The following SORBS2 variants were observed in gnomAD, a reference collection of about 807,000 sequenced individuals.
SORBS2 encodes sorbin and SH3 domain-containing protein 2.
SORBS2 carries 46 observed loss-of-function variants against 97.7 expected under a neutral mutation model. The ratio of observed to expected loss-of-function variants is 0.47; its 90% CI spans 0.37 to 0.60. SORBS2 has a LOEUF of 0.60. Among genes scored for constraint, SORBS2 ranks in the 20% least tolerant of loss-of-function variants. The pLI, the probability that SORBS2 is intolerant of heterozygous loss-of-function variation, is 0.00. For synonymous variants in SORBS2, 476 were observed against 473.4 expected, an observed-to-expected ratio of 1.01 and a Z score of -0.07; for missense variants, 1,316 against 1,282.3, an observed-to-expected ratio of 1.03 and a Z score of -0.40.
chr4:185,919,941 T>C (rs974849333), intron 1 of SORBS2, among the ~76,000 whole-genome samples: 6 of 152,260 alleles, frequency 3.9e-5, no homozygotes, highest in African/African-American at 1.2e-4. Context: ...TTCTGAACTA[T>C]CATACAAAAC....
chr4:185,654,689 T>C (rs1286997254), intron 1 of SORBS2, among the ~76,000 whole-genome samples: 2 of 152,224 alleles, frequency 1.3e-5, no homozygotes, highest in African/African-American at 4.8e-5. Context: ...AATGCCATCA[T>C]GGAGATCGCT....
intron 1 of SORBS2, among the ~76,000 whole-genome samples, chr4:185,860,155 G>A (rs2099222887): frequency 6.6e-6 from 1 of 152,166 alleles, no homozygotes; most frequent in South Asian, 2.1e-4. Flanking sequence ...TGGAGATGGA[G>A]AAGAGCAAGA....
intron 14 of SORBS2, 174 bp from the exon 27 acceptor site, chr4:185,587,862 C>T: frequency 5.4e-6 from 3 of 557,002 alleles, no homozygotes; most frequent in Non-Finnish European, 9.6e-6. Flanking sequence ...GCAGTGTTAG[C>T]TGGTTGCCTG....
At chr4:185,635,899 C>T (rs1297591827) in intron 4 of SORBS2, among the ~76,000 whole-genome samples, 1 of 152,074 alleles carries the variant, frequency 6.6e-6, no homozygotes, top group Non-Finnish European at 1.5e-5. Flanking sequence ...CACTCTGTCA[C>T]CCAGGCTGGA....
chr4:185,896,321 C>A (rs187458809), intron 1 of SORBS2, among the ~76,000 whole-genome samples: 4 of 152,190 alleles, frequency 2.6e-5, no homozygotes, highest in Admixed American at 6.5e-5. Context: ...AGATGGCTGA[C>A]GCCTGTAATG....
intron 1 of SORBS2, among the ~76,000 whole-genome samples, chr4:185,785,015 C>T (rs995380487): frequency 2.6e-5 from 4 of 151,756 alleles, no homozygotes; most frequent in African/African-American, 7.3e-5. Context: ...CAGTGATCAA[C>T]AGGAAACACA....
At chr4:185,880,670 T>A (rs933421322) in intron 1 of SORBS2, among the ~76,000 whole-genome samples, 3 of 152,232 alleles carry the variant, frequency 2.0e-5, no homozygotes, top group African/African-American at 7.2e-5. Context: ...TGATATTTTC[T>A]CACCCCTTTC....
chr4:185,802,103 C>T (rs772200439), intron 1 of SORBS2, among the ~76,000 whole-genome samples: 1 of 152,238 alleles, frequency 6.6e-6, no homozygotes, highest in Non-Finnish European at 1.5e-5. Flanking sequence ...AACTTCAATT[C>T]TCTGAGCAAT....
intron 1 of SORBS2, among the ~76,000 whole-genome samples, chr4:185,850,193 C>A (rs2099217014): frequency 6.6e-6 from 1 of 152,150 alleles, no homozygotes; most frequent in South Asian, 2.1e-4. Flanking sequence ...ACCACTTCCC[C>A]CTAAAATATG....
chr4:185,807,151 G>A (rs971910127), intron 1 of SORBS2, among the ~76,000 whole-genome samples: 1 of 152,014 alleles, frequency 6.6e-6, no homozygotes, highest in Admixed American at 6.5e-5. Flanking sequence ...AAATATCACC[G>A]AAACTTTCAG....
chr4:185,811,934 G>C (rs1268081320), intron 1 of SORBS2: 1 of 152,282 alleles, frequency 6.6e-6, no homozygotes, highest in East Asian at 1.9e-4. Flanking sequence ...CTAGGGAGCT[G>C]CTGAGATAAT....
intron 1 of SORBS2, among the ~76,000 whole-genome samples, chr4:185,839,078 G>A (rs10028944): frequency 0.44 from 66,572 of 152,102 alleles, 14,984 homozygotes; most frequent in East Asian, 0.77. Context: ...TTGCAAGGAA[G>A]GGGAGAACAC....
At chr4:185,605,374 C>G (rs1003691898) in intron 12 of SORBS2, among the ~76,000 whole-genome samples, 26 of 152,232 alleles carry the variant, frequency 1.7e-4, no homozygotes, top group African/African-American at 6.3e-4. Flanking sequence ...CCTCCGCCTC[C>G]CGGTTTGAAG....
intron 1 of SORBS2, among the ~76,000 whole-genome samples, chr4:185,656,334 G>A (rs1581957484): frequency 6.6e-6 from 1 of 151,986 alleles, no homozygotes; most frequent in Non-Finnish European, 1.5e-5. Context: ...TCTTCTGTCT[G>A]TATATAAAAC....
intron 4 of SORBS2, among the ~76,000 whole-genome samples, chr4:185,644,147 C>T (rs1377819364): frequency 1.3e-5 from 2 of 152,164 alleles, no homozygotes; most frequent in Admixed American, 6.5e-5. Context: ...AAGGCTGGTC[C>T]TCTCCAAAAT....
At chr4:185,896,723 G>A (rs2099245222) in intron 1 of SORBS2, among the ~76,000 whole-genome samples, 1 of 152,060 alleles carries the variant, frequency 6.6e-6, no homozygotes, top group African/African-American at 2.4e-5. Context: ...GGGGTGCTCT[G>A]TGGCCCCTGG....
At chr4:185,816,826 C>T (rs551371511) in intron 1 of SORBS2, among the ~76,000 whole-genome samples, 1 of 152,266 alleles carries the variant, frequency 6.6e-6, no homozygotes, top group Non-Finnish European at 1.5e-5. Context: ...TGCCAGAGAG[C>T]AAATGATAAG....
intron 1 of SORBS2, among the ~76,000 whole-genome samples, chr4:185,858,610 C>A (rs7682191): frequency 0.54 from 82,679 of 151,928 alleles, 22,985 homozygotes; most frequent in East Asian, 0.79. Context: ...ACTGACATCT[C>A]TTAAGCAAGT....
intron 2 of SORBS2, among the ~76,000 whole-genome samples, chr4:185,694,987 G>A (rs1160739219): frequency 6.6e-6 from 1 of 151,836 alleles, no homozygotes; most frequent in Non-Finnish European, 1.5e-5. Flanking sequence ...TTACAGATGT[G>A]AGCCACCACG....
Sources: gnomAD v4.1 joint callset for allele counts (sites outside exome capture counted in the v4.1 genomes callset) on GRCh38, gnomAD v4.1.1 for gene constraint, MANE v1.5 for transcripts, NCBI Gene and HGNC (gene_info 2026-07-23, HGNC 2026-07-21) for gene names.